GRM5: variants seen among roughly 807,000 people sequenced by gnomAD.
GRM5 encodes the protein metabotropic glutamate receptor 5.
Under a neutral mutation model 83.1 loss-of-function variants are expected in GRM5, and 19 were observed. The ratio of observed to expected loss-of-function variants is 0.23; its 90% CI spans 0.16 to 0.34. The LOEUF (loss-of-function observed/expected upper bound fraction) is 0.34, where lower values mean the gene tolerates loss of function less well. GRM5 is among the 10% of genes least tolerant of loss of function. The pLI, the probability that GRM5 is intolerant of heterozygous loss-of-function variation, is 1.00. For synonymous variants in GRM5, 675 were observed against 633.6 expected (o/e 1.07, Z -0.98); for missense variants, 1,160 against 1,588.3 (o/e 0.73, Z 4.58).
chr11:88,658,117 T>C (rs1039823999), intron 3 of GRM5, among the ~76,000 whole-genome samples: 1 of 152,096 alleles, frequency 6.6e-6, no homozygotes, highest in Non-Finnish European at 1.5e-5. Flanking sequence ...TTAGATCTAA[T>C]GCAGAGGCAT....
chr11:88,982,832 C>T (rs541554635), intron 2 of GRM5, among the ~76,000 whole-genome samples: 4 of 152,130 alleles, frequency 2.6e-5, no homozygotes, highest in East Asian at 1.9e-4. Context: ...TTTGGGAGGC[C>T]GAAGCGAGTG....
At chr11:88,782,211 T>G (rs1942987797) in intron 3 of GRM5, among the ~76,000 whole-genome samples, 1 of 152,082 alleles carries the variant, frequency 6.6e-6, no homozygotes, top group African/African-American at 2.4e-5. Context: ...TAATAATAAT[T>G]GCTGTATTAG....
intron 3 of GRM5, among the ~76,000 whole-genome samples, chr11:88,751,072 C>CAAAAAAAAAAAAAAAAAAAAA (rs774458890): frequency 1.3e-4 from 6 of 47,348 alleles, no homozygotes; most frequent in African/African-American, 4.6e-4. Context: ...TAGCAGAAGC[C>CAAAAAAAAAAAAAAAAAAAAA]AAAAAAAAAA....
chr11:88,694,493 T>C (rs996150003), intron 3 of GRM5, among the ~76,000 whole-genome samples: 4 of 151,650 alleles, frequency 2.6e-5, no homozygotes, highest in Non-Finnish European at 4.4e-5. Context: ...CAAAGGGGAA[T>C]ACAGGTGGAA....
intron 2 of GRM5, among the ~76,000 whole-genome samples, chr11:89,011,248 A>G (rs7929619): frequency 0.58 from 87,643 of 151,196 alleles, 25,379 homozygotes; most frequent in South Asian, 0.71. Flanking sequence ...CTTTACTTTC[A>G]GTAACTTATG....
At chr11:88,694,332 A>G (rs1412494034) in intron 3 of GRM5, among the ~76,000 whole-genome samples, 3 of 152,088 alleles carry the variant, frequency 2.0e-5, no homozygotes, top group Admixed American at 6.6e-5. Flanking sequence ...TTGCTATTTT[A>G]TATCAGTACA....
intron 2 of GRM5, among the ~76,000 whole-genome samples, chr11:88,961,828 A>G (rs1231502162): frequency 6.6e-6 from 1 of 152,218 alleles, no homozygotes; most frequent in Non-Finnish European, 1.5e-5. Flanking sequence ...AGGCAGAACC[A>G]AGATTACATA....
At chr11:88,577,968 A>C (rs1388747913) in intron 7 of GRM5, among the ~76,000 whole-genome samples, 2 of 152,082 alleles carry the variant, frequency 1.3e-5, no homozygotes, top group Non-Finnish European at 2.9e-5. Flanking sequence ...ACAGTGGCAT[A>C]ATAATTATGA....
At chr11:88,794,548 G>A (rs1565234057) in intron 3 of GRM5, among the ~76,000 whole-genome samples, 1 of 152,104 alleles carries the variant, frequency 6.6e-6, no homozygotes, top group Admixed American at 6.5e-5. Context: ...AATACTAGAG[G>A]CAAAATGATC....
intron 5 of GRM5, among the ~76,000 whole-genome samples, chr11:88,600,791 A>T (rs573921821): frequency 6.6e-6 from 1 of 152,344 alleles, no homozygotes; most frequent in South Asian, 2.1e-4. Flanking sequence ...ACTGAAGAGT[A>T]TTACTTTTAT....
intron 2 of GRM5, among the ~76,000 whole-genome samples, chr11:88,990,527 T>C (rs1323681453): frequency 6.6e-6 from 1 of 151,116 alleles, no homozygotes; most frequent in African/African-American, 2.4e-5. Flanking sequence ...CCAGCATCAT[T>C]CTGATACCAA....
At chr11:88,933,203 T>TTG (rs1320813344) in intron 2 of GRM5, among the ~76,000 whole-genome samples, 1 of 147,936 alleles carries the variant, frequency 6.8e-6, no homozygotes, top group Non-Finnish European at 1.5e-5. Context: ...TTTTTTTTTT[T>TTG]TTTTGCTAAG....
intron 2 of GRM5, among the ~76,000 whole-genome samples, chr11:88,998,378 T>C (rs1157610173): frequency 6.6e-6 from 1 of 152,110 alleles, no homozygotes; most frequent in Non-Finnish European, 1.5e-5. Flanking sequence ...ATAAATTCAT[T>C]GATTTAAAAA....
At chr11:88,684,063 C>T (rs1324438996) in intron 3 of GRM5, among the ~76,000 whole-genome samples, 1 of 152,098 alleles carries the variant, frequency 6.6e-6, no homozygotes, top group Non-Finnish European at 1.5e-5. Context: ...TCTATGAAAA[C>T]AATGTCCTGG....
rs189090268 is a variant in GRM5 at position 88,526,699 on chromosome 11, T to C, written c.2631-1295A>G. 1.9e-3 allele frequency among the ~76,000 whole-genome samples: 284 copies of C among 152,108 alleles called. 3 individuals are homozygous for C. The highest frequency in any genetic ancestry group is 2.0e-3 in the Non-Finnish European group (136 of 67,952). ...AAATGCAACAAAGTCAACATCATTATTGATCCTGGGGCAGAGGCCTTCCTC... is the reference window on the plus strand; with the variant it reads ...AAATGCAACAAAGTCAACATCATTACTGATCCTGGGGCAGAGGCCTTCCTC... On this transcript the variant is annotated intron_variant, in intron 8 of 9. Transcript: ENST00000305447.
rs147739502 is a variant in GRM5 at position 88,750,882 on chromosome 11, T to C, written c.912-97479A>G. ...AAAAGTTTGTTGAAACTAATGAGTA[T>C]AAAGAGGCATCTCTGGGATGCTGTA... On this transcript the variant is annotated intron_variant, in intron 3 of 9. Transcript: ENST00000305447. 3.5e-3 allele frequency among the ~76,000 whole-genome samples: 525 copies of C among 151,638 alleles called. 2 individuals carry two copies. The highest frequency in any genetic ancestry group is 0.012 in the African/African-American group (501 of 41,438).
At chr11:88,749,757 C>T (rs1293175778) in intron 3 of GRM5, among the ~76,000 whole-genome samples, 1 of 152,108 alleles carries the variant, frequency 6.6e-6, no homozygotes, top group Admixed American at 6.6e-5. Context: ...AGCAGAAACC[C>T]TACAAGCCAG....
chr11:88,948,503 G>A (rs1938351297), intron 2 of GRM5, among the ~76,000 whole-genome samples: 1 of 152,160 alleles, frequency 6.6e-6, no homozygotes, highest in Admixed American at 6.5e-5. Context: ...ACACCTTTAT[G>A]AAATTCACCT....
intron 2 of GRM5, among the ~76,000 whole-genome samples, chr11:88,997,151 C>A (rs1940208374): frequency 6.6e-6 from 1 of 151,486 alleles, no homozygotes; most frequent in South Asian, 2.1e-4. Flanking sequence ...ATGGAGAAAC[C>A]CCAGCTCTAC....
Sources: allele counts gnomAD v4.1 joint callset (sites outside exome capture counted in the v4.1 genomes callset), GRCh38; gene constraint gnomAD v4.1.1; transcripts MANE v1.5; gene names NCBI Gene and HGNC (gene_info 2026-07-23, HGNC 2026-07-21).